MYH13: variants seen among roughly 807,000 people sequenced by gnomAD.
MYH13 encodes the protein myosin-13.
A neutral mutation model predicts 232.1 loss-of-function variants in MYH13; 177 were observed. That is an observed-to-expected ratio of 0.76 (90% CI 0.67 to 0.86). MYH13 has a LOEUF of 0.86. Among genes scored for constraint, MYH13 ranks in the 40% least tolerant of loss-of-function variants. The pLI, the probability that MYH13 is intolerant of heterozygous loss-of-function variation, is 0.00. For synonymous variants in MYH13, 884 were observed against 923.5 expected (o/e 0.96, Z 0.78); for missense variants, 2,246 against 2,405.9 (o/e 0.93, Z 1.39).
Position 10,327,953 on chromosome 17 carries a change from G to A in MYH13, c.2604C>T (p.Ala868=). The change falls in exon 22 of 41, where the codon GCC becomes GCT. Residue 868 remains alanine (A), a synonymous_variant. Coordinates refer to ENST00000252172, the MANE Select transcript of MYH13 (RefSeq NM_003802.3). Reference sequence around the variant, plus strand: ...GCTCCTTCCGGCGAGCCTCAGATCGGGCCAGTTCTTCCTTGGTCCTCTCAA... The same window carrying A: ...GCTCCTTCCGGCGAGCCTCAGATCGAGCCAGTTCTTCCTTGGTCCTCTCAA... ...EDFERTKEEL[A]RSEARRKELE... is the part of the protein sequence containing the mutation. 6.2e-7 allele frequency: 1 copy of A among 1,613,930 alleles called. No homozygotes were observed.
chr17:10,345,162 C>T, intron 15 of MYH13, 40 bp downstream of exon 15: 1 of 1,613,758 alleles, frequency 6.2e-7, no homozygotes, highest in Admixed American at 1.7e-5. Flanking sequence ...GGAGGGCCCC[C>T]AATAAGGAGG....
intron 27 of MYH13, among the ~76,000 whole-genome samples, chr17:10,317,230 G>A (rs1358690222): frequency 6.6e-6 from 1 of 152,144 alleles, no homozygotes; most frequent in Non-Finnish European, 1.5e-5. Context: ...CTGGCTCGCC[G>A]AGAGAGAGGT....
rs1471200403 is a variant in MYH13, at chr17:10,301,592, T to A, written c.5779A>T (p.Lys1927Ter). 1 of 1,614,228 alleles carries A rather than the reference T, an allele frequency of 6.2e-7. No homozygotes were observed. The highest frequency in any genetic ancestry group is 8.5e-7 in the Non-Finnish European group (1 of 1,180,044). ...ACCTGGCTGCCCACGTCTCGGCTCT[T>A]GGCCCTCAGCTTGTTGACCTGGGAC... ...AESQVNKLRAKSRDVGSQKME... is the reference protein window; with the variant it reads ...AESQVNKLRA Residue 1927 changes from lysine (K) to a stop codon, truncating the protein, a stop_gained, in exon 40 of 41, where the codon AAG becomes TAG. Coordinates refer to ENST00000252172, the MANE Select transcript of MYH13 (RefSeq NM_003802.3). LOFTEE classifies it high-confidence loss of function.
At position 10,361,292 on chromosome 17, in the gene MYH13, CTTTTTTT is replaced by C. The variant is rs147949319; in HGVS notation, c.505+819_505+825del. On this transcript the variant is annotated intron_variant, in intron 5 of 40. Transcript: ENST00000252172. ...AGGTCTCAGATTCAGATGCTAGACT[CTTTTTTT>C]TTTTTTTTTGAGACGGAGTTTTGCT... is the stretch of plus-strand genomic sequence containing the variant. Among the ~76,000 whole-genome samples the C allele has an allele frequency of 2.9e-5, 4 of 137,134 alleles. No homozygotes were observed. The East Asian group carries it at 8.5e-4, about 29-fold the overall frequency. The allele number at this position is 137,134 out of a possible 152,430, so 90.0% of individuals were successfully genotyped here. A position where few individuals can be genotyped will look rare whatever the true frequency, so the allele number is the denominator to read the frequency against.
intron 2 of MYH13, among the ~76,000 whole-genome samples, chr17:10,365,755 G>A (rs779657489): frequency 3.9e-5 from 6 of 152,004 alleles, no homozygotes; most frequent in Non-Finnish European, 7.4e-5. Context: ...CTCTAAACGC[G>A]GTCTCTAAAC....
At chr17:10,366,094 C>A (rs1019145688) in intron 2 of MYH13, among the ~76,000 whole-genome samples, 1 of 152,068 alleles carries the variant, frequency 6.6e-6, no homozygotes. Context: ...TGGTCCACAG[C>A]CTCTTCCCAC....
At chr17:10,307,866 G>T (rs1291835895) in intron 35 of MYH13, among the ~76,000 whole-genome samples, 1 of 152,096 alleles carries the variant, frequency 6.6e-6, no homozygotes, top group Non-Finnish European at 1.5e-5. Context: ...AGAAGTATAT[G>T]AAAATTTAGT....
At chr17:10,330,192 G>A (rs895123318) in intron 21 of MYH13, among the ~76,000 whole-genome samples, 195 bp downstream of exon 21, 2 of 152,070 alleles carry the variant, frequency 1.3e-5, no homozygotes, top group Non-Finnish European at 2.9e-5. Flanking sequence ...TTGTGACCCT[G>A]TGAGGGAGGG....
At chr17:10,325,635 T>C (rs1003653542) in intron 22 of MYH13, among the ~76,000 whole-genome samples, 1 of 152,244 alleles carries the variant, frequency 6.6e-6, no homozygotes, top group African/African-American at 2.4e-5. Flanking sequence ...GCTACTTCTG[T>C]TCTAAATCGG....
chr17:10,351,234 A>AAAAAAAG (rs796765349), intron 11 of MYH13, among the ~76,000 whole-genome samples: 2 of 150,290 alleles, frequency 1.3e-5, no homozygotes, highest in Non-Finnish European at 3.0e-5. Flanking sequence ...AAAAAAAAAA[A>AAAAAAAG]AGAGAACTGA....
chr17:10,303,175 C>A (rs772496865), intron 39 of MYH13, 21 bp downstream of exon 39: 3 of 1,609,360 alleles, frequency 1.9e-6, no homozygotes, highest in South Asian at 2.2e-5. Flanking sequence ...GTGGGCACTG[C>A]CGGGGACCTC....
intron 18 of MYH13, among the ~76,000 whole-genome samples, chr17:10,339,923 A>C (rs1011804426): frequency 9.2e-5 from 14 of 152,346 alleles, no homozygotes; most frequent in African/African-American, 3.4e-4. Context: ...ATGTGCAAAG[A>C]TCATATCTGC....
intron 25 of MYH13, 31 bp from the exon 26 acceptor site, chr17:10,320,274 A>G (rs1906888835): frequency 6.3e-7 from 1 of 1,599,186 alleles, no homozygotes; most frequent in African/African-American, 1.3e-5. Context: ...AATAAAGAAC[A>G]TGAAATACAA....
At chr17:10,342,915 C>G (rs2071629133) in intron 16 of MYH13, among the ~76,000 whole-genome samples, 1 of 151,922 alleles carries the variant, frequency 6.6e-6, no homozygotes, top group African/African-American at 2.4e-5. Flanking sequence ...ATGATGGAAC[C>G]CTGTCTCTAC....
chr17:10,327,226 C>T (rs896287654), intron 22 of MYH13, among the ~76,000 whole-genome samples: 1 of 151,176 alleles, frequency 6.6e-6, no homozygotes, highest in Middle Eastern at 3.2e-3. Context: ...TGGTCTCGAT[C>T]TCCTGACCTC....
At chr17:10,351,234 A>AAAAAAAAAAAAAAAAAAAAAAAAAAAAT (rs796765349) in intron 11 of MYH13, among the ~76,000 whole-genome samples, 1 of 150,290 alleles carries the variant, frequency 6.7e-6, no homozygotes. Context: ...AAAAAAAAAA[A>AAAAAAAAAAAAAAAAAAAAAAAAAAAAT]AGAGAACTGA....
intron 2 of MYH13, among the ~76,000 whole-genome samples, chr17:10,368,453 C>T (rs1243604296): frequency 6.6e-6 from 1 of 152,208 alleles, no homozygotes; most frequent in African/African-American, 2.4e-5. Flanking sequence ...TTGCAACTCA[C>T]ACAAATGCAC....
chr17:10,338,324 G>T (rs2071592117), intron 18 of MYH13, among the ~76,000 whole-genome samples: 1 of 131,416 alleles, frequency 7.6e-6, no homozygotes, highest in Admixed American at 8.3e-5. Flanking sequence ...TCAGGAGGCT[G>T]CAGGATGCCC....
At chr17:10,310,449 T>C (rs1000708493) in intron 33 of MYH13, among the ~76,000 whole-genome samples, 5 of 152,124 alleles carry the variant, frequency 3.3e-5, no homozygotes, top group African/African-American at 1.2e-4. Flanking sequence ...TTCAGAGAGG[T>C]CTGAGTATTT....
Sources: allele counts gnomAD v4.1 joint callset (sites outside exome capture counted in the v4.1 genomes callset), GRCh38; gene constraint gnomAD v4.1.1; transcripts MANE v1.5; gene names NCBI Gene and HGNC (gene_info 2026-07-23, HGNC 2026-07-21).